The following EPAS1 variants were observed in gnomAD, a reference collection of about 807,000 sequenced individuals.
EPAS1 encodes the protein endothelial PAS domain-containing protein 1.
In EPAS1, 23 loss-of-function variants were observed where a neutral mutation model predicts 87.9. The observed-to-expected ratio is 0.26, with a 90% CI of 0.19 to 0.37. The LOEUF (loss-of-function observed/expected upper bound fraction) is 0.37. EPAS1 is among the 10% of genes least tolerant of loss of function. EPAS1 has a pLI of 1.00. For synonymous variants in EPAS1, 508 were observed against 444.3 expected, an observed-to-expected ratio of 1.14 and a Z score of -1.80; for missense variants, 1,138 against 1,120.7, an observed-to-expected ratio of 1.02 and a Z score of -0.22.
rs555697108 is a variant in EPAS1, at chr2:46,340,652, CT to C, written c.27-6219del. On this transcript the variant is annotated intron_variant, in intron 1 of 15. Transcript: ENST00000263734. The stretch of plus-strand genomic sequence containing the variant: ...TAAAGCATATTAATGCCTTTTTTCT[CT>C]TGTCAAAGTCTGTCTGATCTGGCCA... Among the ~76,000 whole-genome samples the C allele has an allele frequency of 2.1e-4, 32 of 152,310 alleles. No homozygotes were observed. In the South Asian group the frequency reaches 4.6e-3, roughly 22 times the overall value.
At chr2:46,335,067 T>G (rs1683761242) in intron 1 of EPAS1, among the ~76,000 whole-genome samples, 1 of 152,142 alleles carries the variant, frequency 6.6e-6, no homozygotes, top group Non-Finnish European at 1.5e-5. Context: ...TTTGCTTTCC[T>G]TTTTTTAATA....
chr2:46,384,832 C>A lies in EPAS1; in HGVS notation c.*172C>A. The stretch of plus-strand genomic sequence containing the variant: ...CAGTGGCCTTTTTCTGAGATGCTCA[C>A]TTTATTATCCCTATTTTTAAAGTAC... On this transcript the variant is annotated 3_prime_UTR_variant, in exon 16 of 16. Coordinates refer to ENST00000263734, the MANE Select transcript of EPAS1 (RefSeq NM_001430.5). 1 of 712,988 alleles carries A rather than the reference C, an allele frequency of 1.4e-6. No individual in the cohort carries two copies. Among genetic ancestry groups the A allele is most frequent in the Non-Finnish European group, 2.3e-6 (1 of 428,902 alleles). The allele number at this position is 712,988 out of a possible 1,614,324, so 44.2% of individuals were successfully genotyped here. A position where few individuals can be genotyped will look rare whatever the true frequency, so the allele number is the denominator to read the frequency against.
At chr2:46,383,264 A>G (rs535150443) in intron 15 of EPAS1, among the ~76,000 whole-genome samples, 4 of 152,188 alleles carry the variant, frequency 2.6e-5, no homozygotes, top group Non-Finnish European at 4.4e-5. Context: ...GAACATGCCA[A>G]AACTTCCTTC....
At chr2:46,339,965 G>A (rs1301462440) in intron 1 of EPAS1, among the ~76,000 whole-genome samples, 1 of 152,146 alleles carries the variant, frequency 6.6e-6, no homozygotes, top group Non-Finnish European at 1.5e-5. Context: ...CATCACATTG[G>A]GAGTGGGGAT....
intron 1 of EPAS1, among the ~76,000 whole-genome samples, chr2:46,327,444 G>A (rs1319312026): frequency 1.3e-5 from 2 of 152,176 alleles, no homozygotes; most frequent in African/African-American, 4.8e-5. Context: ...AGATTTGATA[G>A]TGACCTATCT....
chr2:46,367,092 A>G (rs1291260928), intron 6 of EPAS1, among the ~76,000 whole-genome samples: 2 of 152,260 alleles, frequency 1.3e-5, no homozygotes, highest in Non-Finnish European at 2.9e-5. Context: ...GAAAGCTGCT[A>G]CTGGGAAGAT....
chr2:46,382,181 G>A, intron 14 of EPAS1, 92 bp downstream of exon 14: 1 of 1,220,928 alleles, frequency 8.2e-7, no homozygotes, highest in Non-Finnish European at 1.2e-6. Flanking sequence ...TTCACCACAG[G>A]CCGTACCTGC....
chr2:46,307,852 C>T (rs1683137645), intron 1 of EPAS1, among the ~76,000 whole-genome samples: 1 of 152,184 alleles, frequency 6.6e-6, no homozygotes, highest in Non-Finnish European at 1.5e-5. Flanking sequence ...ATCCTCGGAG[C>T]ACAGAGAATC....
intron 2 of EPAS1, 22 bp from the exon 3 acceptor site, chr2:46,356,129 T>TGGGGGGGGGG: frequency 1.6e-6 from 2 of 1,242,734 alleles, no homozygotes; most frequent in Non-Finnish European, 2.3e-6. Flanking sequence ...ATGCAAGCTG[T>TGGGGGGGGGG]CCCACCCCCC....
chr2:46,345,050 TG>T (rs1385687521), intron 1 of EPAS1, among the ~76,000 whole-genome samples: 2 of 152,270 alleles, frequency 1.3e-5, no homozygotes, highest in Non-Finnish European at 2.9e-5. Context: ...AAGCAGCCTC[TG>T]GGATCTCAGA....
rs1683777127 is a variant in EPAS1 at position 46,335,698 on chromosome 2, GC to G, written c.27-11171del. ...GGAGGAACGACTTCTACTCCGAAGCGCCCCACCCCCACCTTAAGAGGAGCCG... is the reference window on the plus strand; with the variant it reads ...GGAGGAACGACTTCTACTCCGAAGCGCCCACCCCCACCTTAAGAGGAGCCG... On this transcript the variant is annotated intron_variant, in intron 1 of 15. Coordinates refer to ENST00000263734, the MANE Select transcript of EPAS1 (RefSeq NM_001430.5). 2.0e-5 allele frequency: 3 copies of G among 151,954 alleles called. No homozygotes were observed. In the South Asian group the frequency reaches 6.3e-4, roughly 32 times the overall value. 9.4% of individuals were successfully genotyped at this position (151,954 alleles called of 1,614,324 possible). A position where few individuals can be genotyped will look rare whatever the true frequency, so the allele number is the denominator to read the frequency against.
intron 1 of EPAS1, among the ~76,000 whole-genome samples, chr2:46,344,162 T>A (rs902651815): frequency 6.6e-6 from 1 of 152,248 alleles, no homozygotes; most frequent in African/African-American, 2.4e-5. Flanking sequence ...AACTAATATA[T>A]GAAAGGTTTT....
intron 1 of EPAS1, among the ~76,000 whole-genome samples, chr2:46,307,122 A>G (rs138434747): frequency 2.0e-5 from 3 of 152,242 alleles, no homozygotes; most frequent in Admixed American, 1.3e-4. Flanking sequence ...GTACCCTTGT[A>G]TTTCTCTCCT....
intron 1 of EPAS1, among the ~76,000 whole-genome samples, chr2:46,329,706 C>A (rs1683637451): frequency 6.6e-6 from 1 of 152,120 alleles, no homozygotes; most frequent in Non-Finnish European, 1.5e-5. Flanking sequence ...CCTGTAATCC[C>A]AGCTACTTGG....
intron 1 of EPAS1, among the ~76,000 whole-genome samples, chr2:46,332,157 G>A (rs1219828963): frequency 1.3e-5 from 2 of 151,906 alleles, no homozygotes; most frequent in Non-Finnish European, 2.9e-5. Flanking sequence ...TGCTCTGCTT[G>A]TCCCAGGAAA....
At chr2:46,331,883 CT>C (rs1558590417) in intron 1 of EPAS1, among the ~76,000 whole-genome samples, 1 of 152,180 alleles carries the variant, frequency 6.6e-6, no homozygotes, top group Non-Finnish European at 1.5e-5. Flanking sequence ...GACTTTCAGG[CT>C]GTTTTTTTTT....
chr2:46,378,160 A>G (rs973453132), intron 10 of EPAS1, 73 bp downstream of exon 10: 4 of 1,534,258 alleles, frequency 2.6e-6, no homozygotes, highest in Non-Finnish European at 3.5e-6. Context: ...GGCTGAAGGG[A>G]CATTTGGGAC....
intron 10 of EPAS1, among the ~76,000 whole-genome samples, chr2:46,378,375 C>T (rs982958431): frequency 4.6e-5 from 7 of 152,256 alleles, no homozygotes; most frequent in Admixed American, 2.0e-4. Context: ...ACAGTTTGCA[C>T]AGCCCTGCTG....
chr2:46,298,032 C>G, intron 1 of EPAS1, 95 bp downstream of exon 1: 10 of 1,478,752 alleles, frequency 6.8e-6, no homozygotes, highest in Non-Finnish European at 9.3e-6. Flanking sequence ...GAGAAGAGTG[C>G]TGAGAGGTCT....
Sources: gnomAD v4.1 joint callset for allele counts (sites outside exome capture counted in the v4.1 genomes callset) on GRCh38, gnomAD v4.1.1 for gene constraint, MANE v1.5 for transcripts, NCBI Gene and HGNC (gene_info 2026-07-23, HGNC 2026-07-21) for gene names.